GALNT10: variants seen among roughly 807,000 people sequenced by gnomAD.
GALNT10 encodes the protein polypeptide N-acetylgalactosaminyltransferase 10, also known as GalNAc transferase 10.
GALNT10 carries 41 observed loss-of-function variants against 75.0 expected under a neutral mutation model. The observed-to-expected ratio is 0.55, with a 90% CI of 0.43 to 0.71. GALNT10 has a LOEUF of 0.71. Ranked by LOEUF, GALNT10 falls within the 30% of genes least tolerant of loss-of-function variation. The probability of loss-of-function intolerance (pLI) is 0.00; values close to 1 mark genes in which losing one functional copy is unlikely to be tolerated. For missense variants in GALNT10, 727 were observed against 818.5 expected (o/e 0.89, Z 1.36); for synonymous variants, 302 against 313.0 (o/e 0.96, Z 0.37).
chr5:154,320,893 C>G (rs1015263), intron 3 of GALNT10, among the ~76,000 whole-genome samples: 107,491 of 152,024 alleles, frequency 0.71, 38,908 homozygotes, highest in Admixed American at 0.82. Context: ...GGAATGAGCT[C>G]TCTGCCAGAT....
chr5:154,404,019 C>A, intron 7 of GALNT10, 85 bp from the exon 8 acceptor site: 1 of 996,560 alleles, frequency 1.0e-6, no homozygotes, highest in Non-Finnish European at 1.6e-6. Context: ...GATGCTTTTG[C>A]TGAGTGCACT....
At chr5:154,216,610 A>G (rs1278952002) in intron 1 of GALNT10, among the ~76,000 whole-genome samples, 1 of 152,252 alleles carries the variant, frequency 6.6e-6, no homozygotes, top group Non-Finnish European at 1.5e-5. Context: ...TTTGAAAATT[A>G]GAAATTTGTA....
At chr5:154,340,922 T>C (rs756163214) in intron 4 of GALNT10, among the ~76,000 whole-genome samples, 9 of 152,328 alleles carry the variant, frequency 5.9e-5, no homozygotes. Flanking sequence ...CATTTATATA[T>C]CATTTATTTA....
At chr5:154,198,313 CTG>C (rs1169869211) in intron 1 of GALNT10, among the ~76,000 whole-genome samples, 1 of 152,222 alleles carries the variant, frequency 6.6e-6, no homozygotes, top group East Asian at 1.9e-4. Flanking sequence ...CAGTGAGTCA[CTG>C]TGGGTAAAAC....
At chr5:154,396,089 C>G (rs573044139) in intron 7 of GALNT10, among the ~76,000 whole-genome samples, 1 of 152,298 alleles carries the variant, frequency 6.6e-6, no homozygotes, top group East Asian at 1.9e-4. Context: ...GTTCCAATAC[C>G]TTCACCCGGC....
intron 4 of GALNT10, among the ~76,000 whole-genome samples, chr5:154,351,242 A>G (rs1755200763): frequency 6.6e-6 from 1 of 152,244 alleles, no homozygotes; most frequent in Admixed American, 6.5e-5. Context: ...TGAGATTTAG[A>G]GAAGTGAGGA....
chr5:154,399,191 G>A (rs1018205055), intron 7 of GALNT10, among the ~76,000 whole-genome samples: 18 of 152,172 alleles, frequency 1.2e-4, no homozygotes, highest in Admixed American at 9.8e-4. Context: ...GTCTGTCTGG[G>A]TCTTGGATGG....
At chr5:154,297,345 T>A (rs987933696) in intron 2 of GALNT10, among the ~76,000 whole-genome samples, 1 of 152,240 alleles carries the variant, frequency 6.6e-6, no homozygotes, top group African/African-American at 2.4e-5. Context: ...CAAAGCATCT[T>A]TCATCATTTA....
At chr5:154,218,113 T>C (rs1424654947) in intron 1 of GALNT10, 22 of 985,322 alleles carry the variant, frequency 2.2e-5, no homozygotes, top group Non-Finnish European at 2.7e-5. Context: ...AGGGCTCAGA[T>C]GCACAGCCTC....
In GALNT10 at chr5:154,298,714, CA is replaced by C. The variant is rs1754319054; in HGVS notation, c.401+640del. On this transcript the variant is annotated intron_variant, in intron 3 of 11. Coordinates refer to ENST00000297107, the MANE Select transcript of GALNT10 (RefSeq NM_198321.4). This position sits in a 1 kb window ranked among gnomAD's most constrained non-coding sequence, Gnocchi z 4.1. ...GACAGGCCTTAGACTCCAGTTCAATCAAAAACTATACTCTGGACCTTAAGTT... is the reference window on the plus strand; with the variant it reads ...GACAGGCCTTAGACTCCAGTTCAATCAAAACTATACTCTGGACCTTAAGTT... 6.6e-6 allele frequency among the ~76,000 whole-genome samples: 1 copy of C among 152,186 alleles called. No homozygotes were observed. Among genetic ancestry groups the C allele is most frequent in the Non-Finnish European group, 1.5e-5 (1 of 68,038 alleles).
At chr5:154,410,971 T>C (rs1465417) in intron 9 of GALNT10, among the ~76,000 whole-genome samples, 114,559 of 152,182 alleles carry the variant, frequency 0.75, 43,594 homozygotes, top group East Asian at 0.87. Context: ...GCGCATGGTG[T>C]GGCCCGTGAG....
chr5:154,262,825 C>T (rs934287554), intron 1 of GALNT10, among the ~76,000 whole-genome samples: 2 of 151,956 alleles, frequency 1.3e-5, no homozygotes, highest in Non-Finnish European at 2.9e-5. Context: ...TGAACTAGAC[C>T]CCATTTTTAT....
intron 10 of GALNT10, 123 bp from the exon 11 acceptor site, chr5:154,415,660 G>A: frequency 1.0e-6 from 1 of 979,388 alleles, no homozygotes; most frequent in Non-Finnish European, 1.5e-6. Context: ...TAGGTGGTTA[G>A]AACAGGTTAA....
chr5:154,337,775 A>G (rs1361586516), intron 4 of GALNT10: 8 of 1,100,578 alleles, frequency 7.3e-6, no homozygotes, highest in Non-Finnish European at 1.1e-5. Flanking sequence ...AGTTTCATCC[A>G]TGACCAAAGT....
intron 7 of GALNT10, among the ~76,000 whole-genome samples, chr5:154,396,343 G>A (rs1285634157): frequency 6.6e-6 from 1 of 152,248 alleles, no homozygotes; most frequent in East Asian, 1.9e-4. Flanking sequence ...CATCCACATA[G>A]GGAGTCCAGC....
intron 2 of GALNT10, 52 bp from the exon 3 acceptor site, chr5:154,297,889 A>G: frequency 6.5e-7 from 1 of 1,542,888 alleles, no homozygotes; most frequent in Non-Finnish European, 8.9e-7. Flanking sequence ...CCCACTCCAT[A>G]TACAGTACCC....
At chr5:154,354,358 G>T (rs1224584620) in intron 4 of GALNT10, among the ~76,000 whole-genome samples, 1 of 152,206 alleles carries the variant, frequency 6.6e-6, no homozygotes, top group Non-Finnish European at 1.5e-5. Flanking sequence ...TTCAAGGGGT[G>T]ATGACTGCAG....
At chr5:154,254,434 TA>T (rs1753575340) in intron 1 of GALNT10, among the ~76,000 whole-genome samples, 1 of 152,158 alleles carries the variant, frequency 6.6e-6, no homozygotes, top group Non-Finnish European at 1.5e-5. Context: ...AAATGTTTAC[TA>T]AGAGATGTTT....
intron 1 of GALNT10, among the ~76,000 whole-genome samples, chr5:154,193,245 A>G (rs544158519): frequency 2.6e-5 from 4 of 152,334 alleles, no homozygotes; most frequent in Admixed American, 6.5e-5. Flanking sequence ...TGTTTCCCCA[A>G]TGATAAGCTC....
Sources: gnomAD v4.1 joint callset for allele counts (sites outside exome capture counted in the v4.1 genomes callset) on GRCh38, gnomAD v4.1.1 for gene constraint, Gnocchi (gnomAD v3.1) non-coding constraint, MANE v1.5 for transcripts, NCBI Gene and HGNC (gene_info 2026-07-23, HGNC 2026-07-21) for gene names.